IL20RA: variants seen among roughly 807,000 people sequenced by gnomAD.
IL20RA encodes the protein interleukin-20 receptor subunit alpha.
A neutral mutation model predicts 36.5 loss-of-function variants in IL20RA; 29 were observed. That is an observed-to-expected ratio of 0.79 (90% CI 0.59 to 1.08). The LOEUF is 1.08. Ranked by LOEUF, IL20RA falls within the 50% of genes least tolerant of loss-of-function variation. IL20RA has a pLI of 0.00. For missense variants in IL20RA, 652 were observed against 668.4 expected (o/e 0.98, Z 0.27); for synonymous variants, 279 against 267.1 (o/e 1.04, Z -0.43).
At chr6:137,039,235 T>C (rs371044508) in intron 1 of IL20RA, among the ~76,000 whole-genome samples, 62 of 152,348 alleles carry the variant, frequency 4.1e-4, no homozygotes, top group African/African-American at 1.4e-3. Flanking sequence ...ATTCATTCTA[T>C]AGGAAGCTGA....
chr6:137,006,820 C>T (rs1225965922), intron 5 of IL20RA, among the ~76,000 whole-genome samples: 2 of 151,860 alleles, frequency 1.3e-5, no homozygotes, highest in Non-Finnish European at 2.9e-5. Context: ...CTTCCCCAGG[C>T]TCAGGTGATC....
intron 1 of IL20RA, among the ~76,000 whole-genome samples, chr6:137,021,502 C>CAA (rs3041896): frequency 0.78 from 109,017 of 140,042 alleles, 46,894 homozygotes; most frequent in East Asian, 0.97. Flanking sequence ...CTGTTTCTAG[C>CAA]AAAAAAAAAA....
At chr6:137,044,051 G>T in intron 1 of IL20RA, 1 of 952,010 alleles carries the variant, frequency 1.1e-6, no homozygotes, top group Non-Finnish European at 1.3e-6. Flanking sequence ...GGTCATAACT[G>T]CAAAGGAAAC....
chr6:137,008,131 T>C (rs568627179), intron 5 of IL20RA, among the ~76,000 whole-genome samples: 1 of 152,020 alleles, frequency 6.6e-6, no homozygotes, highest in South Asian at 2.1e-4. Flanking sequence ...CCAAGCCTGG[T>C]TGATTTTATT....
chr6:137,026,805 G>A (rs1485439330), intron 1 of IL20RA, among the ~76,000 whole-genome samples: 1 of 152,068 alleles, frequency 6.6e-6, no homozygotes, highest in Non-Finnish European at 1.5e-5. Context: ...CCCAAGTTAC[G>A]AATCCTTTCT....
intron 3 of IL20RA, 102 bp from the exon 4 acceptor site, chr6:137,009,594 C>CT (rs3041892): frequency 1.2e-4 from 46 of 388,084 alleles, no homozygotes; most frequent in African/African-American, 9.7e-4. Context: ...AAAAGACATC[C>CT]TTTTTTTTTT....
At chr6:137,038,886 A>T (rs1405367742) in intron 1 of IL20RA, among the ~76,000 whole-genome samples, 3 of 152,240 alleles carry the variant, frequency 2.0e-5, no homozygotes, top group Admixed American at 6.5e-5. Context: ...ATTTTGTGAA[A>T]AATACTATGC....
intron 6 of IL20RA, among the ~76,000 whole-genome samples, chr6:137,004,107 A>T (rs1199853010): frequency 1.3e-5 from 2 of 151,302 alleles, no homozygotes; most frequent in Non-Finnish European, 2.9e-5. Context: ...GTTAAATAGA[A>T]CATCTTTTCA....
At position 137,012,408 on chromosome 6, in the gene IL20RA, C is replaced by T. The variant is rs770156013; in HGVS notation, c.225-956G>A. On this transcript the variant is annotated intron_variant, in intron 2 of 6. Transcript: ENST00000316649. ...GGTGGAATGGTGGTGATATTTACTACGAAAAAGAGCACTGAGACAGAACAG... is the reference window on the plus strand; with the variant it reads ...GGTGGAATGGTGGTGATATTTACTATGAAAAAGAGCACTGAGACAGAACAG... Among the ~76,000 whole-genome samples the T allele has an allele frequency of 3.5e-4, 54 of 152,148 alleles. 1 individual carries two copies. The highest frequency in any genetic ancestry group is 2.2e-3 in the Admixed American group (34 of 15,284).
chr6:137,004,174 T>TGTTTTTTTTTTTTG (rs548602821), intron 6 of IL20RA, among the ~76,000 whole-genome samples: 1,746 of 124,458 alleles, frequency 0.014, 63 homozygotes, highest in African/African-American at 0.029. Context: ...TTTTTTTTTT[T>TGTTTTTTTTTTTTG]TTTTTTTTTT....
At position 137,021,536 on chromosome 6, in the gene IL20RA, C is replaced by T. The variant is rs1050032833; in HGVS notation, c.89-4433G>A. ...AAAAACACAAGAAACAAAAATTAGC[C>T]GGCATGGTGGTGGGCACCTGTAGTC... On this transcript the variant is annotated intron_variant, in intron 1 of 6. Transcript: ENST00000316649. 5.3e-5 allele frequency among the ~76,000 whole-genome samples: 8 copies of T among 149,732 alleles called. No homozygotes were observed. The East Asian group carries it at 5.9e-4, about 11-fold the overall frequency.
chr6:137,041,380 A>G (rs1282675456), intron 1 of IL20RA, among the ~76,000 whole-genome samples: 1 of 152,252 alleles, frequency 6.6e-6, no homozygotes, highest in Non-Finnish European at 1.5e-5. Context: ...ACATTGTACA[A>G]TGGTTACATA....
intron 1 of IL20RA, among the ~76,000 whole-genome samples, chr6:137,032,978 C>A (rs1269578774): frequency 6.6e-6 from 1 of 152,072 alleles, no homozygotes; most frequent in Non-Finnish European, 1.5e-5. Flanking sequence ...AAAAGCAGGG[C>A]AATAATGAAG....
rs1364025537 is a variant in IL20RA, at chr6:137,008,583, A to T, written c.724+16T>A. 4 of 1,577,358 alleles carry T rather than the reference A, an allele frequency of 2.5e-6. No homozygotes were observed. Among genetic ancestry groups the T allele is most frequent in the Non-Finnish European group, 3.4e-6 (4 of 1,162,430 alleles). The stretch of plus-strand genomic sequence containing the variant: ...AGATCTCCTTCCTAGACCAGCAAAG[A>T]TTTTTTAAAGCTTACCTTTCAAAGT... On this transcript the variant is annotated intron_variant, in intron 5 of 6. Coordinates refer to ENST00000316649, the MANE Select transcript of IL20RA (RefSeq NM_014432.4).
rs893170795 is a variant in IL20RA, at chr6:137,043,982, T to C, written c.88+659A>G. The C allele has an allele frequency of 1.5e-5, 7 of 452,366 alleles. No individual in the cohort carries two copies. The East Asian group carries it at 6.2e-4, about 40-fold the overall frequency. 28.0% of individuals were successfully genotyped at this position (452,366 alleles called of 1,614,324 possible). A position where few individuals can be genotyped will look rare whatever the true frequency, so the allele number is the denominator to read the frequency against. On this transcript the variant is annotated intron_variant, in intron 1 of 6. Transcript: ENST00000316649. Reference sequence around the variant, plus strand: ...GAAAGAGCTCTTCAGTTACCTTATGTCGTAAACGAGTTAAAAGTTTTGTTA... The same window carrying C: ...GAAAGAGCTCTTCAGTTACCTTATGCCGTAAACGAGTTAAAAGTTTTGTTA...
chr6:137,021,866 T>C (rs1775920289), intron 1 of IL20RA, among the ~76,000 whole-genome samples: 1 of 152,214 alleles, frequency 6.6e-6, no homozygotes, highest in African/African-American at 2.4e-5. Flanking sequence ...CTATGTGCTT[T>C]ACACAAACCA....
chr6:137,037,903 A>C (rs1776543352), intron 1 of IL20RA: 1 of 152,264 alleles, frequency 6.6e-6, no homozygotes, highest in Non-Finnish European at 1.5e-5. Flanking sequence ...TGAAGGATCA[A>C]GGCTCAGCTC....
At chr6:137,035,207 A>C (rs558591852) in intron 1 of IL20RA, among the ~76,000 whole-genome samples, 1 of 152,292 alleles carries the variant, frequency 6.6e-6, no homozygotes, top group East Asian at 1.9e-4. Context: ...TATGGTTTTT[A>C]CTAAAAGTAT....
chr6:137,034,590 T>G (rs1203515401), intron 1 of IL20RA, among the ~76,000 whole-genome samples: 2 of 152,042 alleles, frequency 1.3e-5, no homozygotes, highest in African/African-American at 4.8e-5. Flanking sequence ...GGCCCCGGTG[T>G]GTGTTGTTCC....
Sources: allele counts gnomAD v4.1 joint callset (sites outside exome capture counted in the v4.1 genomes callset), GRCh38; gene constraint gnomAD v4.1.1; transcripts MANE v1.5; gene names NCBI Gene and HGNC (gene_info 2026-07-23, HGNC 2026-07-21).